CNTN3: variants seen among roughly 807,000 people sequenced by gnomAD.
CNTN3 encodes contactin-3.
A neutral mutation model predicts 119.1 loss-of-function variants in CNTN3; 60 were observed. That is an observed-to-expected ratio of 0.50 (90% CI 0.41 to 0.62). The LOEUF (loss-of-function observed/expected upper bound fraction) is 0.62. CNTN3 is among the 20% of genes least tolerant of loss of function. The pLI is 0.00. For missense variants in CNTN3, 1,101 were observed against 1,242.4 expected, an observed-to-expected ratio of 0.89 and a Z score of 1.71; for synonymous variants, 450 against 438.7, an observed-to-expected ratio of 1.03 and a Z score of -0.32.
intron 11 of CNTN3, among the ~76,000 whole-genome samples, chr3:74,355,602 G>T (rs1198243994): frequency 1.3e-5 from 2 of 151,882 alleles, no homozygotes; most frequent in African/African-American, 4.8e-5. Flanking sequence ...TTACAGAAGT[G>T]TGCCACCATG....
intron 1 of CNTN3, among the ~76,000 whole-genome samples, chr3:74,546,728 T>C (rs1219229805): frequency 6.6e-6 from 1 of 152,168 alleles, no homozygotes; most frequent in African/African-American, 2.4e-5. Context: ...GGACTTGGAC[T>C]GGCTTCCTTG....
chr3:74,576,668 T>C (rs1704422613), intron 1 of CNTN3, among the ~76,000 whole-genome samples: 1 of 152,134 alleles, frequency 6.6e-6, no homozygotes, highest in Non-Finnish European at 1.5e-5. Flanking sequence ...GTTTTCTGTA[T>C]TGTTCAGATT....
intron 2 of CNTN3, among the ~76,000 whole-genome samples, chr3:74,518,816 G>A (rs1300750489): frequency 6.6e-6 from 1 of 151,856 alleles, no homozygotes; most frequent in Non-Finnish European, 1.5e-5. Flanking sequence ...ATGTGTGTCA[G>A]CAGTCTTAGG....
At chr3:74,432,272 A>T (rs980619293) in intron 4 of CNTN3, among the ~76,000 whole-genome samples, 12 of 152,030 alleles carry the variant, frequency 7.9e-5, no homozygotes, top group African/African-American at 2.9e-4. Context: ...TATGGTTTTC[A>T]CCCTTACTGT....
chr3:74,398,397 G>T (rs1705109429), intron 5 of CNTN3, among the ~76,000 whole-genome samples: 1 of 152,204 alleles, frequency 6.6e-6, no homozygotes. Flanking sequence ...TCAGATGATT[G>T]TTGGCATTTT....
intron 5 of CNTN3, among the ~76,000 whole-genome samples, chr3:74,390,182 C>T (rs1449532714): frequency 2.6e-5 from 4 of 152,190 alleles, no homozygotes; most frequent in East Asian, 1.9e-4. Flanking sequence ...AGAAGCATTA[C>T]TCCAACAGTT....
At position 74,543,136 on chromosome 3, in the gene CNTN3, CA is replaced by C. The variant is rs564514751; in HGVS notation, c.-80-21945del. On this transcript the variant is annotated intron_variant, in intron 1 of 22. Coordinates refer to ENST00000263665, the MANE Select transcript of CNTN3 (RefSeq NM_020872.3). ...CTGAGCAAGACCTTGTCTCAAATAACAAAAAAAAAATTGTGTATTAAGTTTC... is the reference window on the plus strand; with the variant it reads ...CTGAGCAAGACCTTGTCTCAAATAACAAAAAAAAATTGTGTATTAAGTTTC... 7.4e-5 allele frequency among the ~76,000 whole-genome samples: 11 copies of C among 147,928 alleles called. No homozygotes were observed. In the East Asian group the frequency reaches 1.8e-3, roughly 24 times the overall value.
At chr3:74,320,110 C>A (rs1271755207) in intron 13 of CNTN3, among the ~76,000 whole-genome samples, 1 of 152,136 alleles carries the variant, frequency 6.6e-6, no homozygotes, top group Non-Finnish European at 1.5e-5. Flanking sequence ...GTCAGTGTGG[C>A]GATTCCTCAG....
At chr3:74,585,519 G>T (rs1704578819) in intron 1 of CNTN3, among the ~76,000 whole-genome samples, 1 of 152,016 alleles carries the variant, frequency 6.6e-6, no homozygotes. Context: ...ACAAGTAAGT[G>T]ACCATCCTAT....
intron 4 of CNTN3, among the ~76,000 whole-genome samples, chr3:74,437,311 A>C (rs567330374): frequency 2.2e-4 from 33 of 151,850 alleles, no homozygotes; most frequent in Non-Finnish European, 3.8e-4. Context: ...AAATACAAAA[A>C]ATTAGCCGGG....
intron 3 of CNTN3, among the ~76,000 whole-genome samples, chr3:74,492,311 T>C (rs908363008): frequency 6.6e-6 from 1 of 152,042 alleles, no homozygotes; most frequent in African/African-American, 2.4e-5. Flanking sequence ...CAGAGAGAAA[T>C]ATTTGGGGTA....
rs1447686332 is a variant in CNTN3 at position 74,366,780 on chromosome 3, G to GTGTGTATATATATA, written c.947-1079_947-1078insTATATATATACACA. Reference sequence around the variant, plus strand: ...TGTGCGTGTGTGTGTGTGTGTGTGTGTATATATATATATATATATATATAT... The same window carrying GTGTGTATATATATA: ...TGTGCGTGTGTGTGTGTGTGTGTGTGTGTGTATATATATATATATATATATATATATATATATAT... On this transcript the variant is annotated intron_variant, in intron 8 of 22. Transcript: ENST00000263665. 3.0e-3 allele frequency among the ~76,000 whole-genome samples: 190 copies of GTGTGTATATATATA among 63,698 alleles called. 1 individual carries two copies. Among genetic ancestry groups the GTGTGTATATATATA allele is most frequent in the African/African-American group, 0.013 (147 of 11,756 alleles). 41.8% of individuals were successfully genotyped at this position (63,698 alleles called of 152,430 possible).
chr3:74,559,599 T>G (rs1704121927), intron 1 of CNTN3, among the ~76,000 whole-genome samples: 1 of 96,306 alleles, frequency 1.0e-5, no homozygotes, highest in South Asian at 4.6e-4. Flanking sequence ...CACAACCAAC[T>G]TGGACCAAAA....
At chr3:74,557,005 C>A (rs1053111063) in intron 1 of CNTN3, among the ~76,000 whole-genome samples, 1 of 152,008 alleles carries the variant, frequency 6.6e-6, no homozygotes, top group African/African-American at 2.4e-5. Flanking sequence ...ATTGTTGCAT[C>A]GTGAGAGTTT....
At chr3:74,365,506 A>T (rs1209083801) in intron 9 of CNTN3, 60 bp downstream of exon 9, 1 of 1,604,782 alleles carries the variant, frequency 6.2e-7, no homozygotes, top group East Asian at 2.2e-5. Flanking sequence ...CTAAACACCA[A>T]GTGAGGAAAG....
intron 1 of CNTN3, among the ~76,000 whole-genome samples, chr3:74,588,434 C>T (rs932070210): frequency 9.2e-5 from 14 of 151,956 alleles, no homozygotes; most frequent in Non-Finnish European, 1.6e-4. Context: ...AACTACAAAC[C>T]ACTGCTCAAG....
At chr3:74,481,998 C>G (rs1050493960) in intron 4 of CNTN3, among the ~76,000 whole-genome samples, 5 of 151,666 alleles carry the variant, frequency 3.3e-5, no homozygotes, top group African/African-American at 1.2e-4. Flanking sequence ...AAATAATACT[C>G]AATACATTCA....
At chr3:74,283,785 A>C (rs898508706) in intron 20 of CNTN3, among the ~76,000 whole-genome samples, 1 of 152,182 alleles carries the variant, frequency 6.6e-6, no homozygotes, top group African/African-American at 2.4e-5. Flanking sequence ...AACCAAACAT[A>C]TTTAGTAAAG....
chr3:74,506,116 C>G (rs1348288701), intron 2 of CNTN3, among the ~76,000 whole-genome samples: 1 of 152,102 alleles, frequency 6.6e-6, no homozygotes, highest in Admixed American at 6.6e-5. Flanking sequence ...CCTAAGGAAA[C>G]ACAAAAATGT....
Sources: allele counts gnomAD v4.1 joint callset (sites outside exome capture counted in the v4.1 genomes callset), GRCh38; gene constraint gnomAD v4.1.1; transcripts MANE v1.5; gene names NCBI Gene and HGNC (gene_info 2026-07-23, HGNC 2026-07-21).